The following PID1 variants were observed in gnomAD, a reference collection of about 807,000 sequenced individuals.
The protein encoded by PID1 is phosphotyrosine interaction domain containing 1.
A neutral mutation model predicts 19.1 loss-of-function variants in PID1; 10 were observed. The ratio of observed to expected loss-of-function variants is 0.52; its 90% CI spans 0.32 to 0.89. PID1 has a LOEUF of 0.89. PID1 is among the 40% of genes least tolerant of loss of function. The pLI is 0.03. For synonymous variants in PID1, 130 were observed against 116.0 expected (o/e 1.12, Z -0.78); for missense variants, 248 against 285.3 (o/e 0.87, Z 0.94).
intron 1 of PID1, among the ~76,000 whole-genome samples, chr2:229,214,996 T>A (rs1213397499): frequency 6.6e-6 from 1 of 152,190 alleles, no homozygotes; most frequent in African/African-American, 2.4e-5. Flanking sequence ...CTCCTTTCCT[T>A]AGGCTCAATA....
At chr2:229,195,409 T>C (rs1277940684) in intron 1 of PID1, among the ~76,000 whole-genome samples, 1 of 151,726 alleles carries the variant, frequency 6.6e-6, no homozygotes, top group Admixed American at 6.6e-5. Context: ...ATACATAACA[T>C]GCATACATAC....
intron 2 of PID1, among the ~76,000 whole-genome samples, chr2:229,132,480 C>T (rs1013089560): frequency 2.6e-5 from 4 of 152,188 alleles, no homozygotes; most frequent in Non-Finnish European, 4.4e-5. Flanking sequence ...AGTCCTTCTG[C>T]TTATTACCGG....
chr2:229,179,795 G>A (rs1401083962), intron 1 of PID1, among the ~76,000 whole-genome samples: 13 of 152,204 alleles, frequency 8.5e-5, no homozygotes. Flanking sequence ...AAAGGCAGCT[G>A]CGTGTAGGTC....
At chr2:229,190,089 T>G (rs1475701148) in intron 1 of PID1, among the ~76,000 whole-genome samples, 1 of 152,234 alleles carries the variant, frequency 6.6e-6, no homozygotes, top group Non-Finnish European at 1.5e-5. Context: ...TAACAGCTCA[T>G]GAACTTTTTT....
chr2:229,154,464 C>T (rs535134953), intron 2 of PID1, among the ~76,000 whole-genome samples: 206 of 152,304 alleles, frequency 1.4e-3, no homozygotes, highest in Non-Finnish European at 2.2e-3. Context: ...AGATTTTCTC[C>T]TCCCATGCCC....
At chr2:229,101,409 T>C (rs1695070909) in intron 2 of PID1, among the ~76,000 whole-genome samples, 1 of 152,082 alleles carries the variant, frequency 6.6e-6, no homozygotes, top group Non-Finnish European at 1.5e-5. Context: ...CTCTGCCTCA[T>C]CCAGAGAATG....
At position 229,231,126 on chromosome 2, in the gene PID1, C is replaced by A. The variant is rs75472823; in HGVS notation, c.30+39888G>T. On this transcript the variant is annotated intron_variant, in intron 1 of 2. Transcript: ENST00000392055. ...GCCCAGGGCCAGGAACAGTGGCCAA[C>A]ACATCTGTGCTTCAGCCCGCCTCTG... Among the ~76,000 whole-genome samples, 75 of 152,216 alleles carry A rather than the reference C, an allele frequency of 4.9e-4. 1 individual carries two copies. In the East Asian group the frequency reaches 0.013, roughly 27 times the overall value.
chr2:229,139,147 A>G lies in PID1; in HGVS notation c.177+16671T>C, dbSNP rs543278698. The stretch of plus-strand genomic sequence containing the variant: ...AAAGAAAGAAAGAAAGAAAGAAAGA[A>G]AGCAAGCGAGCGAGCAAGCGAGCTT... On this transcript the variant is annotated intron_variant, in intron 2 of 2. Coordinates refer to ENST00000392055, the MANE Select transcript of PID1 (RefSeq NM_001100818.2). Among the ~76,000 whole-genome samples, 532 of 127,282 alleles carry G rather than the reference A, an allele frequency of 4.2e-3. 49 individuals are homozygous for G. Among genetic ancestry groups the G allele is most frequent in the African/African-American group, 0.016 (504 of 32,382 alleles). 83.5% of individuals were successfully genotyped at this position (127,282 alleles called of 152,430 possible).
intron 2 of PID1, among the ~76,000 whole-genome samples, chr2:229,098,920 A>G (rs1377840378): frequency 1.1e-4 from 16 of 151,882 alleles, no homozygotes; most frequent in Admixed American, 1.1e-3. Context: ...CTCCATCATC[A>G]TTTTTTGGCT....
At chr2:229,212,761 T>A (rs957044791) in intron 1 of PID1, among the ~76,000 whole-genome samples, 4 of 152,102 alleles carry the variant, frequency 2.6e-5, no homozygotes, top group African/African-American at 9.7e-5. Context: ...CCATTTCACA[T>A]GTGAGAAAAT....
At chr2:229,030,226 C>A (rs2106164263) in intron 2 of PID1, among the ~76,000 whole-genome samples, 1 of 152,020 alleles carries the variant, frequency 6.6e-6, no homozygotes, top group East Asian at 1.9e-4. Context: ...AGAAACAGAC[C>A]AATTAGAATT....
intron 1 of PID1, among the ~76,000 whole-genome samples, chr2:229,169,508 A>G (rs544904681): frequency 2.0e-5 from 3 of 152,344 alleles, no homozygotes; most frequent in South Asian, 4.1e-4. Flanking sequence ...TAAAATTCAT[A>G]TTTTTAATCA....
At chr2:229,268,497 A>G (rs1436347682) in intron 1 of PID1, among the ~76,000 whole-genome samples, 2 of 152,216 alleles carry the variant, frequency 1.3e-5, no homozygotes, top group East Asian at 3.8e-4. Flanking sequence ...GATTCTAGGT[A>G]TTGATAAAAT....
intron 1 of PID1, among the ~76,000 whole-genome samples, chr2:229,263,468 T>G (rs2106293575): frequency 6.6e-6 from 1 of 152,322 alleles, no homozygotes; most frequent in Admixed American, 6.5e-5. Context: ...TATCCTCTCA[T>G]ATCCCAATGG....
intron 1 of PID1, among the ~76,000 whole-genome samples, chr2:229,252,006 T>C (rs1212704239): frequency 8.4e-6 from 1 of 119,668 alleles, no homozygotes; most frequent in African/African-American, 3.3e-5. Context: ...ACACAAAGAA[T>C]GCAATGGCTT....
At chr2:229,027,391 G>A (rs1693447423) in intron 2 of PID1, among the ~76,000 whole-genome samples, 1 of 152,172 alleles carries the variant, frequency 6.6e-6, no homozygotes. Flanking sequence ...GAATATCCAC[G>A]GGAAAGAAAT....
At chr2:229,156,343 G>A (rs1395420810) in intron 1 of PID1, among the ~76,000 whole-genome samples, 1 of 152,226 alleles carries the variant, frequency 6.6e-6, no homozygotes, top group Non-Finnish European at 1.5e-5. Flanking sequence ...TTTGGGAAAA[G>A]TCTAGACACT....
At chr2:229,181,947 C>T (rs35482209) in intron 1 of PID1, among the ~76,000 whole-genome samples, 39,779 of 152,032 alleles carry the variant, frequency 0.26, 5,511 homozygotes, top group Middle Eastern at 0.33. Flanking sequence ...CTGAGTGAAG[C>T]CAATCTGAGA....
At chr2:229,084,740 C>T (rs753618137) in intron 2 of PID1, among the ~76,000 whole-genome samples, 1 of 152,100 alleles carries the variant, frequency 6.6e-6, no homozygotes, top group Non-Finnish European at 1.5e-5. Context: ...GAACAAAGGG[C>T]GAGTGGAGTC....
Sources: gnomAD v4.1 joint callset for allele counts (sites outside exome capture counted in the v4.1 genomes callset) on GRCh38, gnomAD v4.1.1 for gene constraint, MANE v1.5 for transcripts, NCBI Gene and HGNC (gene_info 2026-07-23, HGNC 2026-07-21) for gene names.